HACD2: variants seen among roughly 807,000 people sequenced by gnomAD.
HACD2 encodes the protein very-long-chain (3R)-3-hydroxyacyl-CoA dehydratase 2.
Under a neutral mutation model 31.0 loss-of-function variants are expected in HACD2, and 15 were observed. The ratio of observed to expected loss-of-function variants is 0.48; its 90% CI spans 0.32 to 0.75. The LOEUF is 0.75. Ranked by LOEUF, HACD2 falls within the 30% of genes least tolerant of loss-of-function variation. The probability of loss-of-function intolerance (pLI) is 0.03; values close to 1 mark genes in which losing one functional copy is unlikely to be tolerated. For synonymous variants in HACD2, 115 were observed against 122.2 expected (o/e 0.94, Z 0.39); for missense variants, 283 against 313.0 (o/e 0.90, Z 0.72).
intron 3 of HACD2, among the ~76,000 whole-genome samples, chr3:123,530,193 G>T (rs905692710): frequency 1.2e-4 from 19 of 152,008 alleles, no homozygotes; most frequent in African/African-American, 3.9e-4. Flanking sequence ...TGATTTCTTT[G>T]ATTTCAAACA....
chr3:123,575,425 ATAAAAT>A (rs1425897223), intron 2 of HACD2, among the ~76,000 whole-genome samples: 1 of 152,180 alleles, frequency 6.6e-6, no homozygotes, highest in Non-Finnish European at 1.5e-5. Context: ...CCAAAAGTAA[ATAAAAT>A]TAAAAACTCA....
chr3:123,492,356 C>T lies in HACD2; in HGVS notation c.*2532G>A, dbSNP rs2055774716. 4 of 152,332 alleles carry T rather than the reference C, an allele frequency of 2.6e-5. No individual in the cohort carries two copies. Among genetic ancestry groups the T allele is most frequent in the African/African-American group, 9.6e-5 (4 of 41,580 alleles). 9.4% of individuals were successfully genotyped at this position (152,332 alleles called of 1,614,324 possible). On this transcript the variant is annotated 3_prime_UTR_variant, in exon 7 of 7. Coordinates refer to ENST00000383657, the MANE Select transcript of HACD2 (RefSeq NM_198402.5). Reference sequence around the variant, plus strand: ...AAGTCTGACAAAATACCCACAAAAACATGACCTTCCTTGTTCACACTTTAT... The same window carrying T: ...AAGTCTGACAAAATACCCACAAAAATATGACCTTCCTTGTTCACACTTTAT...
At chr3:123,512,941 G>GGATCCTA (rs1297723521) in intron 4 of HACD2, among the ~76,000 whole-genome samples, 5 of 152,152 alleles carry the variant, frequency 3.3e-5, no homozygotes. Flanking sequence ...CCCAGATCCT[G>GGATCCTA]GATCCTAAGT....
Position 123,532,833 on chromosome 3 carries a change from C to CAA in HACD2, c.293-4361_293-4360dup, listed in dbSNP as rs35001570. Among the ~76,000 whole-genome samples, 36 of 71,376 alleles carry CAA rather than the reference C, an allele frequency of 5.0e-4. No homozygotes were observed. In the South Asian group the frequency reaches 7.3e-3, roughly 15 times the overall value. The allele number at this position is 71,376 out of a possible 152,430, so 46.8% of individuals were successfully genotyped here. A position where few individuals can be genotyped will look rare whatever the true frequency, so the allele number is the denominator to read the frequency against. ...AGGGTGACAGAGTGAGACTCCGTCTCAAAAAAAAAAAAAAAAAAAAAAAAA... is the reference window on the plus strand; with the variant it reads ...AGGGTGACAGAGTGAGACTCCGTCTCAAAAAAAAAAAAAAAAAAAAAAAAAAA... On this transcript the variant is annotated intron_variant, in intron 3 of 6. Transcript: ENST00000383657.
At chr3:123,532,993 C>T (rs2056382968) in intron 3 of HACD2, among the ~76,000 whole-genome samples, 1 of 152,094 alleles carries the variant, frequency 6.6e-6, no homozygotes, top group East Asian at 1.9e-4. Context: ...AAGGTTTGCT[C>T]CTTTCCAATA....
intron 2 of HACD2, among the ~76,000 whole-genome samples, chr3:123,571,628 A>G (rs1203157145): frequency 1.3e-5 from 2 of 152,182 alleles, no homozygotes; most frequent in African/African-American, 2.4e-5. Flanking sequence ...AATAACCTGG[A>G]TGAGCTTGAA....
intron 3 of HACD2, among the ~76,000 whole-genome samples, chr3:123,531,752 T>C (rs913575511): frequency 6.6e-6 from 1 of 152,218 alleles, no homozygotes; most frequent in African/African-American, 2.4e-5. Context: ...GCTTTTCTCA[T>C]TTAACATTTT....
intron 3 of HACD2, among the ~76,000 whole-genome samples, chr3:123,537,078 T>C (rs2056435115): frequency 6.6e-6 from 1 of 152,190 alleles, no homozygotes; most frequent in African/African-American, 2.4e-5. Context: ...GTAATTATGG[T>C]CATAGACTAT....
At chr3:123,508,198 T>C (rs16834381) in intron 4 of HACD2, among the ~76,000 whole-genome samples, 5,393 of 152,220 alleles carry the variant, frequency 0.035, 102 homozygotes, top group Middle Eastern at 0.088. Context: ...ATATTCAGAA[T>C]GATGGGCACA....
intron 4 of HACD2, among the ~76,000 whole-genome samples, chr3:123,520,429 A>G (rs940091114): frequency 6.6e-6 from 1 of 152,232 alleles, no homozygotes; most frequent in Non-Finnish European, 1.5e-5. Context: ...TTCTAGTCAC[A>G]TGTGGCTATT....
chr3:123,556,844 A>G (rs1248381815), intron 3 of HACD2, among the ~76,000 whole-genome samples: 1 of 152,228 alleles, frequency 6.6e-6, no homozygotes, highest in Non-Finnish European at 1.5e-5. Context: ...GCATATGAAA[A>G]GATGTGCCAT....
intron 3 of HACD2, among the ~76,000 whole-genome samples, chr3:123,559,225 C>T (rs1265866065): frequency 1.3e-5 from 2 of 152,254 alleles, no homozygotes; most frequent in Non-Finnish European, 1.5e-5. Context: ...AGAAAAATCT[C>T]CTTACTAATA....
chr3:123,575,552 T>A (rs1418750348), intron 2 of HACD2, among the ~76,000 whole-genome samples: 1 of 152,232 alleles, frequency 6.6e-6, no homozygotes, highest in Non-Finnish European at 1.5e-5. Context: ...GTCTGAAAAC[T>A]TGGTTAATTT....
rs143790713 is a variant in HACD2 at position 123,531,113 on chromosome 3, G to A, written c.293-2639C>T. ...GATCTCTTAACCTCGTGATCTGCCC[G>A]CCTCAGCCTCCCAAAGTGCTGGGAT... On this transcript the variant is annotated intron_variant, in intron 3 of 6. Coordinates refer to ENST00000383657, the MANE Select transcript of HACD2 (RefSeq NM_198402.5). Among the ~76,000 whole-genome samples, 10 of 152,128 alleles carry A rather than the reference G, an allele frequency of 6.6e-5. No individual in the cohort carries two copies. The East Asian group carries it at 1.7e-3, about 27-fold the overall frequency.
At position 123,492,677 on chromosome 3, in the gene HACD2, G is replaced by A. The variant is rs1315105415; in HGVS notation, c.*2211C>T. 1 of 152,104 alleles carries A rather than the reference G, an allele frequency of 6.6e-6. No individual in the cohort carries two copies. The highest frequency in any genetic ancestry group is 2.4e-5 in the African/African-American group (1 of 41,402). 9.4% of individuals were successfully genotyped at this position (152,104 alleles called of 1,614,324 possible). A position where few individuals can be genotyped will look rare whatever the true frequency, so the allele number is the denominator to read the frequency against. ...CAACAGAATGTTTTTTATAAGTAGT[G>A]ACAAATTATAATAAGGAGGCCCAAA... On this transcript the variant is annotated 3_prime_UTR_variant, in exon 7 of 7. Transcript: ENST00000383657.
chr3:123,578,939 T>C (rs937707736), intron 2 of HACD2, among the ~76,000 whole-genome samples: 2 of 152,204 alleles, frequency 1.3e-5, no homozygotes, highest in African/African-American at 4.8e-5. Context: ...ACAGAAATTG[T>C]GGTTTTAGCA....
At chr3:123,524,619 T>G (rs966315597) in intron 4 of HACD2, among the ~76,000 whole-genome samples, 3 of 151,802 alleles carry the variant, frequency 2.0e-5, no homozygotes, top group African/African-American at 7.3e-5. Context: ...CATAGGGGAG[T>G]GAGAGAAGTC....
rs2055812343 is a variant in HACD2 at position 123,494,798 on chromosome 3, T to C, written c.*90A>G. The C allele has an allele frequency of 6.1e-6, 5 of 820,878 alleles. No homozygotes were observed. The highest frequency in any genetic ancestry group is 1.0e-5 in the Non-Finnish European group (5 of 502,172). 50.8% of individuals were successfully genotyped at this position (820,878 alleles called of 1,614,324 possible). A position where few individuals can be genotyped will look rare whatever the true frequency, so the allele number is the denominator to read the frequency against. Reference sequence around the variant, plus strand: ...ATTTTAAAAATAGTTCTTACTTATTTTCTATGAAACGTATTGGGAACTCAA... The same window carrying C: ...ATTTTAAAAATAGTTCTTACTTATTCTCTATGAAACGTATTGGGAACTCAA... On this transcript the variant is annotated 3_prime_UTR_variant, in exon 7 of 7. Coordinates refer to ENST00000383657, the MANE Select transcript of HACD2 (RefSeq NM_198402.5).
intron 3 of HACD2, among the ~76,000 whole-genome samples, chr3:123,563,362 A>G (rs772396068): frequency 6.6e-6 from 1 of 152,238 alleles, no homozygotes; most frequent in Non-Finnish European, 1.5e-5. Flanking sequence ...GCCTGGGCAC[A>G]GCGCAGATGA....
Sources: gnomAD v4.1 joint callset for allele counts (sites outside exome capture counted in the v4.1 genomes callset) on GRCh38, gnomAD v4.1.1 for gene constraint, MANE v1.5 for transcripts, NCBI Gene and HGNC (gene_info 2026-07-23, HGNC 2026-07-21) for gene names.